SEMA3E: variants seen among roughly 807,000 people sequenced by gnomAD.
The protein encoded by SEMA3E is semaphorin-3E.
Under a neutral mutation model 93.6 loss-of-function variants are expected in SEMA3E, and 49 were observed. That is an observed-to-expected ratio of 0.52 (90% CI 0.42 to 0.66). The LOEUF (loss-of-function observed/expected upper bound fraction) is 0.66, where lower values mean the gene tolerates loss of function less well. Ranked by LOEUF, SEMA3E falls within the 30% of genes least tolerant of loss-of-function variation. The pLI, the probability that SEMA3E is intolerant of heterozygous loss-of-function variation, is 0.00. For missense variants in SEMA3E, 906 were observed against 964.8 expected (o/e 0.94, Z 0.81); for synonymous variants, 363 against 330.7 (o/e 1.10, Z -1.06).
At chr7:83,427,636 T>C (rs975537647) in intron 4 of SEMA3E, among the ~76,000 whole-genome samples, 3 of 152,170 alleles carry the variant, frequency 2.0e-5, no homozygotes, top group Admixed American at 6.5e-5. Context: ...CTTCTCACGT[T>C]ATTTTGAGAG....
In SEMA3E at chr7:83,408,285, A is replaced by G. The variant is rs368221767; in HGVS notation, c.670+83T>C. 2.7e-3 allele frequency: 4,062 copies of G among 1,497,694 alleles called. 144 individuals carry two copies. The South Asian group carries it at 0.044, about 16-fold the overall frequency. The allele number at this position is 1,497,694 out of a possible 1,614,324, so 92.8% of individuals were successfully genotyped here. ...GTAAAGGAATTGTATTTATATTCTT[A>G]TTATTATCAAAATGGCAACATTTTC... On this transcript the variant is annotated intron_variant, in intron 6 of 16. Transcript: ENST00000643230.
At chr7:83,632,420 G>A (rs1431622776) in intron 1 of SEMA3E, among the ~76,000 whole-genome samples, 1 of 152,132 alleles carries the variant, frequency 6.6e-6, no homozygotes, top group Non-Finnish European at 1.5e-5. Context: ...GACCCAGTGG[G>A]AGGTAATTGA....
chr7:83,372,255 C>T (rs1387423877), intron 16 of SEMA3E: 1 of 397,726 alleles, frequency 2.5e-6, no homozygotes, highest in Admixed American at 4.4e-5. Context: ...AAGAGGGCTA[C>T]ATCACAGATA....
intron 16 of SEMA3E, among the ~76,000 whole-genome samples, chr7:83,368,771 A>G: frequency 6.6e-6 from 1 of 152,334 alleles, no homozygotes; most frequent in East Asian, 1.9e-4. Flanking sequence ...CTATAAATAA[A>G]TAATTATAAT....
chr7:83,558,427 A>G (rs544280436), intron 1 of SEMA3E, among the ~76,000 whole-genome samples: 1 of 152,272 alleles, frequency 6.6e-6, no homozygotes, highest in Non-Finnish European at 1.5e-5. Context: ...TGGTTTCAAA[A>G]GACAAATACA....
intron 1 of SEMA3E, among the ~76,000 whole-genome samples, chr7:83,623,407 C>G (rs887838081): frequency 5.9e-5 from 9 of 152,100 alleles, no homozygotes; most frequent in African/African-American, 2.2e-4. Context: ...ACAACATGAA[C>G]CCATTCTTAT....
chr7:83,528,009 T>C (rs1043908181), intron 1 of SEMA3E, among the ~76,000 whole-genome samples: 12 of 152,074 alleles, frequency 7.9e-5, no homozygotes, highest in Non-Finnish European at 1.3e-4. Context: ...TCTATACATA[T>C]AATGAAAATG....
intron 1 of SEMA3E, among the ~76,000 whole-genome samples, chr7:83,524,690 T>A (rs1360582360): frequency 6.6e-6 from 1 of 152,146 alleles, no homozygotes; most frequent in Non-Finnish European, 1.5e-5. Flanking sequence ...ATTCTGAGAT[T>A]TAATGTTCTC....
At chr7:83,518,265 G>T (rs1790973826) in intron 1 of SEMA3E, among the ~76,000 whole-genome samples, 1 of 151,950 alleles carries the variant, frequency 6.6e-6, no homozygotes, top group Non-Finnish European at 1.5e-5. Flanking sequence ...CTCGACTGAG[G>T]TTGCAGAACA....
chr7:83,407,383 T>A (rs1788350747), intron 6 of SEMA3E, 144 bp from the exon 7 acceptor site: 4 of 756,496 alleles, frequency 5.3e-6, no homozygotes, highest in Non-Finnish European at 8.4e-6. Context: ...TGAATTTTTT[T>A]ACCAAACATT....
chr7:83,498,063 A>G (rs536762703), intron 1 of SEMA3E, among the ~76,000 whole-genome samples: 24 of 138,988 alleles, frequency 1.7e-4, no homozygotes, highest in African/African-American at 5.9e-4. Flanking sequence ...CTACTTAATA[A>G]ATAGTAAATA....
intron 7 of SEMA3E, among the ~76,000 whole-genome samples, chr7:83,406,446 G>C (rs1449254833): frequency 6.6e-6 from 1 of 151,378 alleles, no homozygotes; most frequent in East Asian, 1.9e-4. Context: ...CTTTAACAAA[G>C]GAAGAAAGCT....
At chr7:83,596,465 A>C (rs1792874028) in intron 1 of SEMA3E, among the ~76,000 whole-genome samples, 1 of 152,140 alleles carries the variant, frequency 6.6e-6, no homozygotes, top group South Asian at 2.1e-4. Context: ...ATGTATAGTA[A>C]CACATTCATA....
intron 1 of SEMA3E, among the ~76,000 whole-genome samples, chr7:83,569,301 T>C (rs948493657): frequency 3.3e-5 from 5 of 151,294 alleles, no homozygotes; most frequent in Admixed American, 2.6e-4. Flanking sequence ...ACTCATCCCA[T>C]AGACAAGACA....
chr7:83,481,235 C>T (rs1455019443), intron 2 of SEMA3E, among the ~76,000 whole-genome samples: 1 of 151,986 alleles, frequency 6.6e-6, no homozygotes, highest in Non-Finnish European at 1.5e-5. Context: ...GTATTCTATC[C>T]ATACAAGATC....
intron 4 of SEMA3E, among the ~76,000 whole-genome samples, chr7:83,465,876 G>A (rs1469823929): frequency 6.6e-6 from 1 of 152,126 alleles, no homozygotes; most frequent in Non-Finnish European, 1.5e-5. Context: ...CTGCTTGCTA[G>A]TAAATATTAT....
intron 4 of SEMA3E, among the ~76,000 whole-genome samples, chr7:83,422,254 C>A (rs1788681668): frequency 6.6e-6 from 1 of 152,144 alleles, no homozygotes; most frequent in South Asian, 2.1e-4. Context: ...AAAGGTGTGG[C>A]TAAACTTATA....
intron 1 of SEMA3E, among the ~76,000 whole-genome samples, chr7:83,611,259 ATT>A (rs1179260982): frequency 4.2e-5 from 6 of 144,162 alleles, no homozygotes; most frequent in African/African-American, 1.0e-4. Flanking sequence ...ATTTATATAT[ATT>A]ATATATAAAT....
chr7:83,410,503 TATC>T (rs1293591576), intron 5 of SEMA3E, among the ~76,000 whole-genome samples: 1 of 152,122 alleles, frequency 6.6e-6, no homozygotes, highest in Non-Finnish European at 1.5e-5. Context: ...CTCTTAAGCA[TATC>T]ATGTTATTTG....
Sources: allele counts gnomAD v4.1 joint callset (sites outside exome capture counted in the v4.1 genomes callset), GRCh38; gene constraint gnomAD v4.1.1; transcripts MANE v1.5; gene names NCBI Gene and HGNC (gene_info 2026-07-23, HGNC 2026-07-21).